The following KIAA1217 variants were observed in gnomAD, a reference collection of about 807,000 sequenced individuals.
KIAA1217 encodes KIAA1217, also known as sickle tail protein homolog.
Under a neutral mutation model 163.9 loss-of-function variants are expected in KIAA1217, and 88 were observed. The ratio of observed to expected loss-of-function variants is 0.54; its 90% CI spans 0.45 to 0.64. The LOEUF is 0.64. Among genes scored for constraint, KIAA1217 ranks in the 30% least tolerant of loss-of-function variants. KIAA1217 has a pLI of 0.00. For synonymous variants in KIAA1217, 903 were observed against 923.1 expected, an observed-to-expected ratio of 0.98 and a Z score of 0.39; for missense variants, 2,372 against 2,475.0, an observed-to-expected ratio of 0.96 and a Z score of 0.88.
At chr10:23,808,120 G>A (rs1836829877) in intron 1 of KIAA1217, among the ~76,000 whole-genome samples, 1 of 152,204 alleles carries the variant, frequency 6.6e-6, no homozygotes, top group African/African-American at 2.4e-5. Context: ...CTATGTGGTG[G>A]GGAACCCAGT....
At chr10:24,078,092 T>C (rs1742003930) in intron 2 of KIAA1217, among the ~76,000 whole-genome samples, 1 of 152,262 alleles carries the variant, frequency 6.6e-6, no homozygotes, top group Non-Finnish European at 1.5e-5. Flanking sequence ...ATATTAGACC[T>C]CTGTCAGATG....
intron 2 of KIAA1217, among the ~76,000 whole-genome samples, chr10:24,280,537 C>G (rs373325391): frequency 1.3e-5 from 2 of 152,096 alleles, no homozygotes; most frequent in Admixed American, 1.3e-4. Flanking sequence ...CCTGGCCGGG[C>G]GTGGTGACTC....
chr10:23,904,804 A>G (rs1305767954), intron 1 of KIAA1217, among the ~76,000 whole-genome samples: 1 of 152,070 alleles, frequency 6.6e-6, no homozygotes, highest in Non-Finnish European at 1.5e-5. Context: ...TATCTTATTG[A>G]CCATTTAATC....
intron 2 of KIAA1217, among the ~76,000 whole-genome samples, chr10:24,272,519 C>T (rs558596553): frequency 2.4e-4 from 37 of 152,282 alleles, no homozygotes; most frequent in African/African-American, 8.7e-4. Flanking sequence ...TTCACCAAGC[C>T]GCTCCATCAT....
At chr10:24,102,783 G>A (rs2062467512) in intron 2 of KIAA1217, among the ~76,000 whole-genome samples, 1 of 152,150 alleles carries the variant, frequency 6.6e-6, no homozygotes, top group African/African-American at 2.4e-5. Context: ...AGGAGCAAAA[G>A]CAATACAATG....
chr10:23,929,253 A>G (rs1274784527), intron 1 of KIAA1217, among the ~76,000 whole-genome samples: 1 of 152,258 alleles, frequency 6.6e-6, no homozygotes, highest in African/African-American at 2.4e-5. Context: ...TAACCACCAC[A>G]AAGTCTGCAT....
intron 2 of KIAA1217, among the ~76,000 whole-genome samples, chr10:24,034,822 C>A (rs1363850654): frequency 6.6e-6 from 1 of 152,200 alleles, no homozygotes; most frequent in Non-Finnish European, 1.5e-5. Context: ...CAGGCTGCTG[C>A]CTTCCCATCT....
chr10:24,217,607 A>T (rs1267225448), intron 1 of KIAA1217, among the ~76,000 whole-genome samples: 2 of 152,208 alleles, frequency 1.3e-5, no homozygotes. Context: ...TTCTATATAC[A>T]GATCTTTCTA....
chr10:24,326,483 A>G (rs2044914888), intron 2 of KIAA1217, among the ~76,000 whole-genome samples: 1 of 152,200 alleles, frequency 6.6e-6, no homozygotes, highest in Non-Finnish European at 1.5e-5. Flanking sequence ...AAGCGCTTTT[A>G]TAAAATAGCT....
At chr10:24,449,896 T>C (rs2061255600) in intron 5 of KIAA1217, 4 of 250,802 alleles carry the variant, frequency 1.6e-5, no homozygotes, top group Non-Finnish European at 2.5e-5. Context: ...TTAGGTTTTA[T>C]TTTAACTTCT....
chr10:23,703,842 T>G (rs1229123104), intron 1 of KIAA1217, among the ~76,000 whole-genome samples: 1 of 152,010 alleles, frequency 6.6e-6, no homozygotes, highest in Non-Finnish European at 1.5e-5. Flanking sequence ...GACTTTGCAG[T>G]CCGCACTGAT....
At chr10:24,070,984 AT>A (rs1255819088) in intron 2 of KIAA1217, among the ~76,000 whole-genome samples, 1 of 152,138 alleles carries the variant, frequency 6.6e-6, no homozygotes, top group African/African-American at 2.4e-5. Context: ...TACAATTATC[AT>A]TTTTTGAATA....
intron 1 of KIAA1217, among the ~76,000 whole-genome samples, chr10:23,728,152 G>A (rs1348417602): frequency 2.0e-5 from 3 of 152,142 alleles, no homozygotes; most frequent in Admixed American, 6.5e-5. Context: ...ATAGAAGAAT[G>A]ATATTATAAT....
At chr10:24,457,279 G>A (rs1371835677) in intron 5 of KIAA1217, among the ~76,000 whole-genome samples, 2 of 152,042 alleles carry the variant, frequency 1.3e-5, no homozygotes, top group African/African-American at 2.4e-5. Context: ...CCTGCAGCTT[G>A]ATTCTTTTTG....
At chr10:24,371,658 C>T (rs981176622) in intron 2 of KIAA1217, among the ~76,000 whole-genome samples, 28 of 152,228 alleles carry the variant, frequency 1.8e-4, no homozygotes, top group Admixed American at 1.8e-3. Context: ...TTTCCCCATG[C>T]ATTTGTGTTG....
chr10:24,360,980 A>T (rs915922334), intron 2 of KIAA1217, among the ~76,000 whole-genome samples: 1 of 152,118 alleles, frequency 6.6e-6, no homozygotes, highest in Non-Finnish European at 1.5e-5. Context: ...TTTTAAAAAA[A>T]TTTTATTACA....
At chr10:24,402,393 C>G (rs1224822984) in intron 3 of KIAA1217, among the ~76,000 whole-genome samples, 1 of 151,670 alleles carries the variant, frequency 6.6e-6, no homozygotes, top group Non-Finnish European at 1.5e-5. Context: ...CCTGTAGTCC[C>G]AACTACTCAG....
At chr10:23,881,990 T>A (rs747900702) in intron 1 of KIAA1217, among the ~76,000 whole-genome samples, 3 of 151,918 alleles carry the variant, frequency 2.0e-5, no homozygotes, top group Non-Finnish European at 4.4e-5. Flanking sequence ...CTTATCTCTT[T>A]CATTATGGTA....
At chr10:24,275,506 C>T (rs2077185946) in intron 2 of KIAA1217, among the ~76,000 whole-genome samples, 1 of 152,184 alleles carries the variant, frequency 6.6e-6, no homozygotes, top group Admixed American at 6.5e-5. Flanking sequence ...ACTGTCCTGC[C>T]ATGTCTATGA....
Sources: gnomAD v4.1 joint callset for allele counts (sites outside exome capture counted in the v4.1 genomes callset) on GRCh38, gnomAD v4.1.1 for gene constraint, MANE v1.5 for transcripts, NCBI Gene and HGNC (gene_info 2026-07-23, HGNC 2026-07-21) for gene names.